The following HERC3 variants were observed in gnomAD, a reference collection of about 807,000 sequenced individuals.
HERC3 encodes probable E3 ubiquitin-protein ligase HERC3.
In HERC3, 58 loss-of-function variants were observed where a neutral mutation model predicts 129.9. The observed-to-expected ratio is 0.45, with a 90% CI of 0.36 to 0.56. The LOEUF is 0.56. HERC3 is among the 20% of genes least tolerant of loss of function. HERC3 has a pLI of 0.00. For synonymous variants in HERC3, 430 were observed against 451.0 expected (o/e 0.95, Z 0.59); for missense variants, 835 against 1,244.2 (o/e 0.67, Z 4.95).
At chr4:88,624,456 C>G (rs182188547) in intron 3 of HERC3, among the ~76,000 whole-genome samples, 1 of 152,198 alleles carries the variant, frequency 6.6e-6, no homozygotes, top group Non-Finnish European at 1.5e-5. Context: ...TTAATATACA[C>G]TTCCTTAATG....
intron 10 of HERC3, among the ~76,000 whole-genome samples, chr4:88,661,296 T>C (rs191381301): frequency 2.0e-5 from 3 of 152,232 alleles, no homozygotes; most frequent in African/African-American, 7.2e-5. Flanking sequence ...TCAATAGATA[T>C]CTGTGGCCAT....
At chr4:88,613,747 A>G (rs184221404) in intron 3 of HERC3, among the ~76,000 whole-genome samples, 1 of 152,310 alleles carries the variant, frequency 6.6e-6, no homozygotes, top group East Asian at 1.9e-4. Context: ...TCAACATTGC[A>G]CTTGTTAGGG....
chr4:88,699,646 C>T (rs1318322712), intron 23 of HERC3, among the ~76,000 whole-genome samples: 1 of 151,708 alleles, frequency 6.6e-6, no homozygotes, highest in Non-Finnish European at 1.5e-5. Flanking sequence ...GGGCAGAAAA[C>T]AGGCCTTTTG....
intron 3 of HERC3, among the ~76,000 whole-genome samples, chr4:88,614,437 C>T (rs1578171043): frequency 6.6e-6 from 1 of 152,078 alleles, no homozygotes; most frequent in African/African-American, 2.4e-5. Context: ...TTAATTTCCA[C>T]TCAGTACTTA....
At chr4:88,650,888 T>G (rs1168645035) in intron 4 of HERC3, among the ~76,000 whole-genome samples, 1 of 152,214 alleles carries the variant, frequency 6.6e-6, no homozygotes, top group Non-Finnish European at 1.5e-5. Flanking sequence ...TATCGTCCCC[T>G]TTAAAGAACA....
intron 21 of HERC3, 54 bp downstream of exon 21, chr4:88,681,379 T>C (rs1026412738): frequency 1.1e-5 from 17 of 1,491,074 alleles, no homozygotes; most frequent in Non-Finnish European, 1.5e-5. Flanking sequence ...GCCTCTGGCA[T>C]GAGGATTAAA....
At position 88,697,778 on chromosome 4, in the gene HERC3, C is replaced by G. The variant is rs371680899; in HGVS notation, c.2658-6320C>G. 3 of 1,568,104 alleles carry G rather than the reference C, an allele frequency of 1.9e-6. No homozygotes were observed. The East Asian group carries it at 6.8e-5, about 35-fold the overall frequency. On this transcript the variant is annotated intron_variant, in intron 23 of 25. Coordinates refer to ENST00000402738, the MANE Select transcript of HERC3 (RefSeq NM_014606.3). The stretch of plus-strand genomic sequence containing the variant: ...ATGTTAGAGGAGAAGCCGCAGAGGT[C>G]TAGGAGGGCTCCCGCAGAGGCCCTG...
chr4:88,528,946 A>C, the HERC3 span, among the ~76,000 whole-genome samples: 1 of 152,218 alleles, frequency 6.6e-6, no homozygotes, highest in African/African-American at 2.4e-5. Flanking sequence ...AAAATAGTAA[A>C]TATTTTAAAA....
the HERC3 span, among the ~76,000 whole-genome samples, chr4:88,552,140 G>C: frequency 1.3e-5 from 2 of 150,394 alleles, no homozygotes; most frequent in South Asian, 2.1e-4. Flanking sequence ...GTTGTGGGGT[G>C]GGGGGAGGCG....
chr4:88,689,120 TAAA>T (rs1733788652), intron 23 of HERC3, among the ~76,000 whole-genome samples: 1 of 152,166 alleles, frequency 6.6e-6, no homozygotes, highest in South Asian at 2.1e-4. Context: ...CTTCTTCCTC[TAAA>T]TAGTTGGGAA....
At chr4:88,613,744 T>C (rs1724607968) in intron 3 of HERC3, among the ~76,000 whole-genome samples, 2 of 152,216 alleles carry the variant, frequency 1.3e-5, no homozygotes, top group Non-Finnish European at 2.9e-5. Flanking sequence ...ATCTCAACAT[T>C]GCACTTGTTA....
rs1735902704 is a variant in HERC3, at chr4:88,707,926, A to G, written c.*966A>G. On this transcript the variant is annotated 3_prime_UTR_variant, in exon 26 of 26. Coordinates refer to ENST00000402738, the MANE Select transcript of HERC3 (RefSeq NM_014606.3). ...CTTTTCGTACCCTGTGTCCTCCCTG[A>G]TTTTCCTTTCGTTTCTTCTTTATTT... 6.6e-6 allele frequency: 1 copy of G among 151,040 alleles called. No homozygotes were observed. The highest frequency in any genetic ancestry group is 1.5e-5 in the Non-Finnish European group (1 of 67,620). 9.4% of individuals were successfully genotyped at this position (151,040 alleles called of 1,614,324 possible). A position where few individuals can be genotyped will look rare whatever the true frequency, so the allele number is the denominator to read the frequency against.
intron 16 of HERC3, among the ~76,000 whole-genome samples, chr4:88,672,599 C>T (rs1012937649): frequency 3.9e-5 from 6 of 152,262 alleles, no homozygotes; most frequent in Admixed American, 3.9e-4. Context: ...TTGTTAATAG[C>T]TGAGGCTGTG....
intron 12 of HERC3, among the ~76,000 whole-genome samples, chr4:88,665,976 G>A (rs1370703056): frequency 6.6e-6 from 1 of 152,166 alleles, no homozygotes; most frequent in African/African-American, 2.4e-5. Flanking sequence ...GGTACAATGG[G>A]GAGGGACTTG....
At chr4:88,651,863 C>T (rs1729322941) in intron 4 of HERC3, 149 bp from the exon 5 acceptor site, 3 of 627,522 alleles carry the variant, frequency 4.8e-6, no homozygotes, top group East Asian at 5.5e-5. Flanking sequence ...GCTGAGATTA[C>T]AGGCGTGAAC....
At chr4:88,700,682 A>G (rs1735239944) in intron 23 of HERC3, among the ~76,000 whole-genome samples, 1 of 151,650 alleles carries the variant, frequency 6.6e-6, no homozygotes, top group Non-Finnish European at 1.5e-5. Context: ...AAACAGAACC[A>G]ACAGGGTGTG....
chr4:88,602,118 C>T (rs537099532), intron 2 of HERC3, among the ~76,000 whole-genome samples: 161 of 149,322 alleles, frequency 1.1e-3, no homozygotes, highest in Non-Finnish European at 1.9e-3. Flanking sequence ...ATTTGGAAAC[C>T]GGCTGGGCTC....
chr4:88,559,621 T>C, the HERC3 span, among the ~76,000 whole-genome samples: 1 of 152,276 alleles, frequency 6.6e-6, no homozygotes, highest in Non-Finnish European at 1.5e-5. Context: ...AAGATCTTTT[T>C]ATTTCTTAGG....
At chr4:88,557,494 A>T in the HERC3 span, among the ~76,000 whole-genome samples, 7 of 152,174 alleles carry the variant, frequency 4.6e-5, no homozygotes, top group Non-Finnish European at 1.0e-4. Context: ...TTTGTTCTTT[A>T]TATTGCTAGC....
Sources: allele counts gnomAD v4.1 joint callset (sites outside exome capture counted in the v4.1 genomes callset), GRCh38; gene constraint gnomAD v4.1.1; transcripts MANE v1.5; gene names NCBI Gene and HGNC (gene_info 2026-07-23, HGNC 2026-07-21).